Variants in WDR53 observed in about 807,000 individuals in gnomAD.
The protein encoded by WDR53 is WD repeat-containing protein 53.
A neutral mutation model predicts 21.3 loss-of-function variants in WDR53; 19 were observed. That is an observed-to-expected ratio of 0.89 (90% CI 0.62 to 1.31). WDR53 has a LOEUF of 1.31. WDR53 is among the 50% of genes most tolerant of loss of function. The probability of loss-of-function intolerance (pLI) is 0.00; values close to 1 mark genes in which losing one functional copy is unlikely to be tolerated. For synonymous variants in WDR53, 157 were observed against 163.4 expected (o/e 0.96, Z 0.30); for missense variants, 374 against 423.2 (o/e 0.88, Z 1.02).
intron 1 of WDR53, 64 bp from the exon 2 acceptor site, chr3:196,567,371 A>G: frequency 2.6e-6 from 1 of 381,072 alleles, no homozygotes; most frequent in Non-Finnish European, 5.2e-6. Flanking sequence ...GAGAAGGGAC[A>G]GGCAAATAAT....
chr3:196,565,445 C>T (rs972604251), intron 2 of WDR53, among the ~76,000 whole-genome samples: 18 of 151,482 alleles, frequency 1.2e-4, no homozygotes, highest in African/African-American at 3.9e-4. Context: ...TGTGGTGGTA[C>T]GTGCCTGTAA....
intron 2 of WDR53, among the ~76,000 whole-genome samples, chr3:196,565,558 TG>T (rs199585735): frequency 2.0e-5 from 2 of 101,230 alleles, no homozygotes; most frequent in African/African-American, 8.5e-5. Context: ...AGAGTCGGGG[TG>T]AGGGGGCAGG....
Position 196,561,152 on chromosome 3 carries a change from C to A in WDR53, c.324G>T (p.Leu108=). The A allele has an allele frequency of 6.2e-7, 1 of 1,614,198 alleles. No homozygotes were observed. Among genetic ancestry groups the A allele is most frequent in the South Asian group, 1.1e-5 (1 of 91,082 alleles). ...CCCCAGAGTCGTCAGCAGAAGCCAG[C>A]AGGTTTTCCGTTTGATTCAATGAAA... The part of the protein sequence containing the change: ...NCLSLNQTEN[L]LASADDSGAI... Residue 108 remains leucine, a synonymous_variant, in exon 3 of 4, where the codon CTG becomes CTT. Coordinates refer to ENST00000332629, the MANE Select transcript of WDR53 (RefSeq NM_182627.3).
At chr3:196,568,409 C>G (rs1221386932) in intron 1 of WDR53, 110 bp downstream of exon 1, 1 of 152,876 alleles carries the variant, frequency 6.5e-6, no homozygotes, top group African/African-American at 2.4e-5. Flanking sequence ...GGAAAGGGAG[C>G]CCAGGAGAGC....
At position 196,560,885 on chromosome 3, in the gene WDR53, A is replaced by G. The variant is rs111791892; in HGVS notation, c.480+111T>C. On this transcript the variant is annotated intron_variant, in intron 3 of 3. Transcript: ENST00000332629. ...AATAAGGCTTATTGTTCATAAATGG[A>G]TATGTTAGTAGAAAACAGAAAAAGC... 37 of 1,328,384 alleles carry G rather than the reference A, an allele frequency of 2.8e-5. No homozygotes were observed. In the African/African-American group the frequency reaches 3.8e-4, roughly 14 times the overall value. The allele number at this position is 1,328,384 out of a possible 1,614,324, so 82.3% of individuals were successfully genotyped here.
At position 196,561,429 on chromosome 3, in the gene WDR53, A is replaced by C. The variant is rs1734858837; in HGVS notation, c.47T>G (p.Leu16Arg). 6.2e-7 allele frequency: 1 copy of C among 1,613,974 alleles called. No individual in the cohort carries two copies. Among genetic ancestry groups the C allele is most frequent in the Non-Finnish European group, 8.5e-7 (1 of 1,180,028 alleles). Residue 16 changes from leucine (L) to arginine (R), a missense_variant, in exon 3 of 4, where the codon CTG (leucine) becomes CGG (arginine). Coordinates refer to ENST00000332629, the MANE Select transcript of WDR53 (RefSeq NM_182627.3). Reference sequence around the variant, plus strand: ...CAGCAGCCCTTCTTTACTTGCATTCAGGCAGAGGACAGGAGAAGAATGCCC... The same window carrying C: ...CAGCAGCCCTTCTTTACTTGCATTCCGGCAGAGGACAGGAGAAGAATGCCC... The part of the protein sequence containing the change: ...TGGHSSPVLC[L>R]NASKEGLLAS...
chr3:196,566,473 G>T (rs1735405166), intron 2 of WDR53, among the ~76,000 whole-genome samples: 1 of 151,338 alleles, frequency 6.6e-6, no homozygotes, highest in Non-Finnish European at 1.5e-5. Context: ...GAGTGCAATG[G>T]TGCAATCTCG....
In WDR53 at chr3:196,561,475, TAATGGTCCCG is replaced by T; in HGVS notation, c.-10_-1del. 6.2e-7 allele frequency: 1 copy of T among 1,611,022 alleles called. No homozygotes were observed. The highest frequency in any genetic ancestry group is 8.5e-7 in the Non-Finnish European group (1 of 1,178,626). On this transcript the variant is annotated 5_prime_UTR_variant, in exon 3 of 4. Coordinates refer to ENST00000332629, the MANE Select transcript of WDR53 (RefSeq NM_182627.3). ...TGCCCACCCGTCCACTTGACTGCCA[TAATGGTCCCG>T]GAGACTCTGTGAAGTGGGGGAAACA...
At chr3:196,565,453 T>C (rs954992493) in intron 2 of WDR53, among the ~76,000 whole-genome samples, 5 of 151,496 alleles carry the variant, frequency 3.3e-5, no homozygotes, top group African/African-American at 1.2e-4. Flanking sequence ...TACGTGCCTG[T>C]AATCCCAGCT....
At chr3:196,567,381 TAATC>T in intron 1 of WDR53, 74 bp from the exon 2 acceptor site, 1 of 374,254 alleles carries the variant, frequency 2.7e-6, no homozygotes, top group Non-Finnish European at 5.3e-6. Context: ...AGGCAAATAA[TAATC>T]AAACACCATG....
intron 2 of WDR53, among the ~76,000 whole-genome samples, chr3:196,564,687 C>T (rs1735214327): frequency 6.6e-6 from 1 of 152,018 alleles, no homozygotes; most frequent in Admixed American, 6.6e-5. Flanking sequence ...TTTAGAATGT[C>T]GATCACTTTT....
chr3:196,555,517 C>T (rs1019899575), intron 3 of WDR53, among the ~76,000 whole-genome samples: 1 of 151,980 alleles, frequency 6.6e-6, no homozygotes, highest in African/African-American at 2.4e-5. Flanking sequence ...TCGTTGTTCC[C>T]GACCTGGTGC....
At chr3:196,564,758 A>G (rs948220293) in intron 2 of WDR53, among the ~76,000 whole-genome samples, 1 of 152,180 alleles carries the variant, frequency 6.6e-6, no homozygotes, top group African/African-American at 2.4e-5. Context: ...GGAAGTCTGT[A>G]CTCTAGAGCA....
chr3:196,560,501 T>C (rs1390242813), intron 3 of WDR53, among the ~76,000 whole-genome samples: 1 of 152,174 alleles, frequency 6.6e-6, no homozygotes, highest in African/African-American at 2.4e-5. Flanking sequence ...CCTTCCAAAG[T>C]GCTGGGATTA....
At chr3:196,558,427 G>A (rs1312194642) in intron 3 of WDR53, among the ~76,000 whole-genome samples, 4 of 151,790 alleles carry the variant, frequency 2.6e-5, no homozygotes, top group South Asian at 2.1e-4. Flanking sequence ...GGCTGGTCTC[G>A]AACTCCTGGG....
intron 3 of WDR53, among the ~76,000 whole-genome samples, chr3:196,559,839 A>C (rs539382534): frequency 1.9e-4 from 29 of 152,336 alleles, no homozygotes; most frequent in Non-Finnish European, 3.1e-4. Context: ...AATCTCAGTC[A>C]GGTGGCAATG....
At chr3:196,560,529 G>A (rs1734734476) in intron 3 of WDR53, among the ~76,000 whole-genome samples, 1 of 152,152 alleles carries the variant, frequency 6.6e-6, no homozygotes, top group Non-Finnish European at 1.5e-5. Flanking sequence ...GAGCCACCGT[G>A]CCCAGCCGTG....
Position 196,567,296 on chromosome 3 carries a change from G to T in WDR53, c.-436C>A. 4.4e-6 allele frequency: 2 copies of T among 455,428 alleles called. No individual in the cohort carries two copies. The highest frequency in any genetic ancestry group is 3.3e-4 in the Middle Eastern group (1 of 3,062). 28.2% of individuals were successfully genotyped at this position (455,428 alleles called of 1,614,324 possible). On this transcript the variant is annotated 5_prime_UTR_variant, in exon 2 of 4. Transcript: ENST00000332629. Reference sequence around the variant, plus strand: ...TAGCAACCAAAATGATTGAAGGGCTGTGGCGCTGGCACTGGTAAGAATGAA... The same window carrying T: ...TAGCAACCAAAATGATTGAAGGGCTTTGGCGCTGGCACTGGTAAGAATGAA...
In WDR53 at chr3:196,566,915, CG is replaced by C. The variant is rs1450550608; in HGVS notation, c.-56del. On this transcript the variant is annotated 5_prime_UTR_variant, in exon 2 of 4. Transcript: ENST00000332629. Reference sequence around the variant, plus strand: ...CTGGGGCGCTCAGGAGACGGTCTGCCGTTGAAAGTCACCTCAGCGGCTGGAC... The same window carrying C: ...CTGGGGCGCTCAGGAGACGGTCTGCCTTGAAAGTCACCTCAGCGGCTGGAC... 1 of 219,344 alleles carries C rather than the reference CG, an allele frequency of 4.6e-6. No homozygotes were observed. Among genetic ancestry groups the C allele is most frequent in the African/African-American group, 2.3e-5 (1 of 42,792 alleles). 13.6% of individuals were successfully genotyped at this position (219,344 alleles called of 1,614,324 possible).
Sources: allele counts gnomAD v4.1 joint callset (sites outside exome capture counted in the v4.1 genomes callset), GRCh38; gene constraint gnomAD v4.1.1; transcripts MANE v1.5; gene names NCBI Gene and HGNC (gene_info 2026-07-23, HGNC 2026-07-21).